The following USP26 variants were observed in gnomAD, a reference collection of about 807,000 sequenced individuals.
USP26 encodes ubiquitin carboxyl-terminal hydrolase 26.
For synonymous variants in USP26, 236 were observed against 240.6 expected, an observed-to-expected ratio of 0.98 and a Z score of 0.18; for missense variants, 649 against 642.3, an observed-to-expected ratio of 1.01 and a Z score of -0.11.
chrX:133,089,263 T>C (rs1434683605), intron 4 of USP26, among the ~76,000 whole-genome samples: 1 of 111,893 alleles, frequency 8.9e-6, no homozygotes, highest in Non-Finnish European at 1.9e-5. Flanking sequence ...GGATAGTGCA[T>C]ATTTATATTT....
At chrX:133,036,392 T>C (rs1163596555) in intron 5 of USP26, among the ~76,000 whole-genome samples, 1 of 110,798 alleles carries the variant, frequency 9.0e-6, no homozygotes, top group Non-Finnish European at 1.9e-5. Context: ...GTTCAGCTCA[T>C]TGTTCAGCTC....
intron 5 of USP26, among the ~76,000 whole-genome samples, chrX:133,075,482 T>TTCTC (rs2067544962): frequency 8.9e-6 from 1 of 112,154 alleles, no homozygotes. Flanking sequence ...TTCTCTCCAG[T>TTCTC]TCTCCTATTT....
intron 5 of USP26, among the ~76,000 whole-genome samples, chrX:133,030,134 G>A (rs888466625): frequency 2.7e-5 from 3 of 111,518 alleles, no homozygotes; most frequent in Non-Finnish European, 5.6e-5. Context: ...GATTCAAAAC[G>A]TATAGATGAC....
chrX:133,049,135 T>G (rs768412578), intron 5 of USP26, among the ~76,000 whole-genome samples: 1 of 112,187 alleles, frequency 8.9e-6, no homozygotes, highest in East Asian at 2.8e-4. Context: ...TCTACTGCGG[T>G]TGTTTTCAGC....
rs139350477 is a variant in USP26 at position 133,025,483 on chromosome X, T to C, written c.2738A>G (p.Glu913Gly). The change falls in exon 6 of 6, where the codon GAA becomes GGA. Residue 913 changes from glutamate to glycine, a missense_variant. Transcript: ENST00000511190. ...ACAAGGAGGAGTACGTTCCTCTTAT[T>C]CCTTCTGAAGGGTCTCCTCTACCTC... ...SKEVEETLQK[E>G] The C allele has an allele frequency of 2.8e-4, 343 of 1,209,278 alleles. 2 individuals are homozygous for C. Among genetic ancestry groups the C allele is most frequent in the Middle Eastern group, 1.7e-3 (7 of 4,209 alleles).
intron 5 of USP26, among the ~76,000 whole-genome samples, chrX:133,029,067 A>T (rs2067366694): frequency 1.8e-5 from 2 of 112,830 alleles, no homozygotes; most frequent in South Asian, 7.3e-4. Flanking sequence ...CCAGTGAGGA[A>T]GAATTAGATG....
At chrX:133,036,134 A>G (rs896978554) in intron 5 of USP26, among the ~76,000 whole-genome samples, 3 of 110,098 alleles carry the variant, frequency 2.7e-5, no homozygotes, top group African/African-American at 9.9e-5. Context: ...ATATATATAT[A>G]TATGTACCAG....
intron 5 of USP26, among the ~76,000 whole-genome samples, chrX:133,050,260 T>G (rs1214193774): frequency 8.9e-6 from 1 of 112,290 alleles, no homozygotes; most frequent in South Asian, 3.7e-4. Flanking sequence ...CCCTTCTCTA[T>G]GCTGAGGATC....
chrX:133,039,698 C>A (rs2067410628), intron 5 of USP26, among the ~76,000 whole-genome samples: 1 of 111,685 alleles, frequency 9.0e-6, no homozygotes, highest in African/African-American at 3.3e-5. Flanking sequence ...CTGTAGATAT[C>A]TATTAGGTCT....
chrX:133,028,661 A>G (rs1182277092), intron 5 of USP26, among the ~76,000 whole-genome samples: 1 of 112,257 alleles, frequency 8.9e-6, no homozygotes, highest in African/African-American at 3.2e-5. Context: ...CTTTCAGTAC[A>G]TAACTGAAAG....
intron 4 of USP26, among the ~76,000 whole-genome samples, chrX:133,086,686 C>A (rs962426226): frequency 8.2e-5 from 9 of 109,119 alleles, no homozygotes; most frequent in Admixed American, 3.0e-4. Context: ...CCAAGGCGGG[C>A]GGATCATTTG....
intron 5 of USP26, among the ~76,000 whole-genome samples, chrX:133,040,717 C>T (rs1406980402): frequency 9.0e-6 from 1 of 111,252 alleles, no homozygotes; most frequent in African/African-American, 3.3e-5. Flanking sequence ...CTCTGTATTT[C>T]CTGAATTTGA....
At chrX:133,073,531 C>G (rs1224660831) in intron 5 of USP26, among the ~76,000 whole-genome samples, 2 of 110,479 alleles carry the variant, frequency 1.8e-5, no homozygotes, top group Non-Finnish European at 3.8e-5. Context: ...AAAGGTAGCG[C>G]TTACTACTTT....
chrX:133,053,728 T>G (rs149243339), intron 5 of USP26, among the ~76,000 whole-genome samples: 36 of 111,287 alleles, frequency 3.2e-4, no homozygotes, highest in African/African-American at 1.2e-3. Context: ...AGCAGGGAGA[T>G]CTCTTAGGTT....
chrX:133,041,792 T>C (rs1300444362), intron 5 of USP26, among the ~76,000 whole-genome samples: 1 of 112,150 alleles, frequency 8.9e-6, no homozygotes, highest in Non-Finnish European at 1.9e-5. Context: ...AGGATTAAGT[T>C]TGCTGAAGCT....
chrX:133,076,700 G>A (rs1358964559), intron 5 of USP26, among the ~76,000 whole-genome samples: 1 of 111,957 alleles, frequency 8.9e-6, no homozygotes, highest in Non-Finnish European at 1.9e-5. Context: ...AGAAGCCCAG[G>A]TGGCAAGGAA....
At chrX:133,037,474 C>T (rs1053010216) in intron 5 of USP26, among the ~76,000 whole-genome samples, 1 of 111,780 alleles carries the variant, frequency 8.9e-6, no homozygotes, top group Non-Finnish European at 1.9e-5. Context: ...TGGTGAAGAT[C>T]AGATGGTTGT....
Position 133,027,052 on chromosome X carries a change from CA to C in USP26, c.1168del (p.Cys390ValfsTer2). The C allele has an allele frequency of 1.7e-6, 2 of 1,211,606 alleles. No individual in the cohort carries two copies. Among genetic ancestry groups the C allele is most frequent in the Non-Finnish European group, 2.2e-6 (2 of 895,365 alleles). On this transcript the variant is annotated frameshift_variant, in exon 6 of 6. Transcript: ENST00000511190. LOFTEE classifies it low-confidence loss of function (END_TRUNC). Reference sequence around the variant, plus strand: ...CATGTTATCTTTCAGTTGATCTAAACAGTGAGCTAAAAACTCATGAGCATCG... The same window carrying C: ...CATGTTATCTTTCAGTTGATCTAAACGTGAGCTAAAAACTCATGAGCATCG... ...QNDAHEFLAH[C>X]LDQLKDNMEK...
intron 5 of USP26, among the ~76,000 whole-genome samples, chrX:133,046,143 C>G (rs1364222013): frequency 9.0e-6 from 1 of 111,559 alleles, no homozygotes; most frequent in Admixed American, 9.5e-5. Flanking sequence ...GGAATAGATT[C>G]CACTGCTGTG....
Sources: allele counts gnomAD v4.1 joint callset (sites outside exome capture counted in the v4.1 genomes callset), GRCh38; gene constraint gnomAD v4.1.1; transcripts MANE v1.5; gene names NCBI Gene and HGNC (gene_info 2026-07-23, HGNC 2026-07-21).